PAQR5: variants seen among roughly 807,000 people sequenced by gnomAD.
The protein encoded by PAQR5 is membrane progestin receptor gamma.
PAQR5 carries 20 observed loss-of-function variants against 34.5 expected under a neutral mutation model. That is an observed-to-expected ratio of 0.58 (90% CI 0.41 to 0.84). PAQR5 has a LOEUF of 0.84. Among genes scored for constraint, PAQR5 ranks in the 40% least tolerant of loss-of-function variants. The pLI, the probability that PAQR5 is intolerant of heterozygous loss-of-function variation, is 0.00. For missense variants in PAQR5, 378 were observed against 412.7 expected (o/e 0.92, Z 0.73); for synonymous variants, 131 against 155.6 (o/e 0.84, Z 1.18).
chr15:69,303,405 A>G lies in PAQR5; in HGVS notation c.-277+4349A>G, dbSNP rs567013715. 3.9e-5 allele frequency among the ~76,000 whole-genome samples: 6 copies of G among 152,226 alleles called. No homozygotes were observed. In the East Asian group the frequency reaches 9.7e-4, roughly 25 times the overall value. On this transcript the variant is annotated intron_variant, in intron 1 of 8. Transcript: ENST00000395407. ...CAGCCGCCACATGAGGCGATTGGTG[A>G]GTTCCAGGAAGGAGTCATCCCCACC...
chr15:69,355,131 T>G (rs59332280), intron 2 of PAQR5, among the ~76,000 whole-genome samples: 12,625 of 152,060 alleles, frequency 0.083, 806 homozygotes, highest in African/African-American at 0.16. Context: ...CATTATCACA[T>G]GAGCCAATTC....
intron 6 of PAQR5, among the ~76,000 whole-genome samples, chr15:69,395,888 T>G (rs1376590807): frequency 6.6e-6 from 1 of 151,842 alleles, no homozygotes; most frequent in African/African-American, 2.4e-5. Context: ...AACACGAAAG[T>G]GGGCTGGAGT....
chr15:69,323,814 A>T (rs901219457), intron 1 of PAQR5, among the ~76,000 whole-genome samples: 5 of 152,196 alleles, frequency 3.3e-5, no homozygotes, highest in Non-Finnish European at 5.9e-5. Context: ...TCATAAATAC[A>T]AAGCAGTTAA....
At chr15:69,300,590 C>CCTTCTTTCT (rs2053516725) in intron 1 of PAQR5, among the ~76,000 whole-genome samples, 3 of 41,994 alleles carry the variant, frequency 7.1e-5, no homozygotes, top group South Asian at 9.2e-4. Context: ...TCTTTCTTTC[C>CCTTCTTTCT]TTCTTTCTTT....
intron 6 of PAQR5, among the ~76,000 whole-genome samples, chr15:69,396,680 G>T (rs2056444081): frequency 6.6e-6 from 1 of 151,854 alleles, no homozygotes; most frequent in East Asian, 1.9e-4. Context: ...GACCCTCCCT[G>T]CCCCTCCCCA....
chr15:69,355,929 C>G (rs1354643726), intron 2 of PAQR5, among the ~76,000 whole-genome samples: 1 of 152,180 alleles, frequency 6.6e-6, no homozygotes, highest in African/African-American at 2.4e-5. Context: ...GAATAATCAG[C>G]TATTCACTTA....
Position 69,404,959 on chromosome 15 carries a change from T to G in PAQR5, c.*1137T>G, listed in dbSNP as rs890690338. ...GGGCCAGAGGCCAAACTTGAAGAAC[T>G]GCTGGTGTTACATGTTCCAAAAGGC... On this transcript the variant is annotated 3_prime_UTR_variant, in exon 9 of 9. Coordinates refer to ENST00000395407, the MANE Select transcript of PAQR5 (RefSeq NM_017705.4). 1.3e-5 allele frequency: 5 copies of G among 398,530 alleles called. No homozygotes were observed. The highest frequency in any genetic ancestry group is 2.2e-5 in the Non-Finnish European group (5 of 226,060). 24.7% of individuals were successfully genotyped at this position (398,530 alleles called of 1,614,324 possible). A position where few individuals can be genotyped will look rare whatever the true frequency, so the allele number is the denominator to read the frequency against.
chr15:69,300,710 T>C lies in PAQR5; in HGVS notation c.-277+1654T>C, dbSNP rs1163219467. On this transcript the variant is annotated intron_variant, in intron 1 of 8. Coordinates refer to ENST00000395407, the MANE Select transcript of PAQR5 (RefSeq NM_017705.4). ...TCCCTCCCTCTCTCTCTCTCTTTCT[T>C]TCTTTCTTTCTTTCTTTCTTTCTTT... Among the ~76,000 whole-genome samples the C allele has an allele frequency of 0.032, 235 of 7,440 alleles. 73 individuals carry two copies. In the South Asian group the frequency reaches 0.69, roughly 22 times the overall value. The allele number at this position is 7,440 out of a possible 152,430, so 4.9% of individuals were successfully genotyped here. A position where few individuals can be genotyped will look rare whatever the true frequency, so the allele number is the denominator to read the frequency against.
At chr15:69,369,540 T>TAA (rs753281505) in intron 3 of PAQR5, among the ~76,000 whole-genome samples, 10 of 142,934 alleles carry the variant, frequency 7.0e-5, no homozygotes, top group African/African-American at 2.3e-4. Flanking sequence ...TGCCTCAAGT[T>TAA]AAAAAAAAAA....
chr15:69,393,624 C>T (rs1357270357), intron 6 of PAQR5, among the ~76,000 whole-genome samples: 1 of 152,170 alleles, frequency 6.6e-6, no homozygotes, highest in African/African-American at 2.4e-5. Flanking sequence ...CCCTCCTGCT[C>T]CATCCGGCTG....
At chr15:69,359,308 T>A (rs2055167913) in intron 2 of PAQR5, among the ~76,000 whole-genome samples, 1 of 152,148 alleles carries the variant, frequency 6.6e-6, no homozygotes, top group African/African-American at 2.4e-5. Flanking sequence ...GCCCATATTA[T>A]TGTCACAGGA....
chr15:69,375,352 C>T (rs755924961), intron 3 of PAQR5, among the ~76,000 whole-genome samples: 14 of 152,124 alleles, frequency 9.2e-5, no homozygotes, highest in Non-Finnish European at 1.9e-4. Context: ...GATTAGGACC[C>T]ACCCTAATGG....
chr15:69,397,864 C>T (rs2279857), intron 7 of PAQR5: 21,889 of 402,916 alleles, frequency 0.054, 1,412 homozygotes, highest in East Asian at 0.19. Context: ...TCCCCCACAC[C>T]CAGGTGCTGC....
intron 3 of PAQR5, among the ~76,000 whole-genome samples, chr15:69,368,341 C>T (rs2055458856): frequency 2.0e-5 from 3 of 152,356 alleles, no homozygotes; most frequent in Non-Finnish European, 4.4e-5. Context: ...GCATGAGCCA[C>T]TGTGCGTCTG....
chr15:69,345,662 A>T (rs772628741), intron 2 of PAQR5, among the ~76,000 whole-genome samples: 1 of 152,228 alleles, frequency 6.6e-6, no homozygotes, highest in Non-Finnish European at 1.5e-5. Context: ...TGGAGAGTGC[A>T]TTAAACACAC....
intron 2 of PAQR5, 96 bp from the exon 3 acceptor site, chr15:69,359,870 G>C: frequency 1.9e-6 from 1 of 537,074 alleles, no homozygotes; most frequent in East Asian, 3.1e-5. Context: ...ATCATGTGTA[G>C]CAAGTATATG....
chr15:69,374,268 G>C (rs1008093301), intron 3 of PAQR5, among the ~76,000 whole-genome samples: 1 of 152,170 alleles, frequency 6.6e-6, no homozygotes, highest in Admixed American at 6.5e-5. Context: ...TTTTAATTGA[G>C]AGCCTAAGTA....
At chr15:69,399,757 C>T (rs986770154) in intron 7 of PAQR5, among the ~76,000 whole-genome samples, 17 of 152,222 alleles carry the variant, frequency 1.1e-4, no homozygotes, top group Non-Finnish European at 2.4e-4. Flanking sequence ...CAATCGACCA[C>T]ACTCAGGATA....
intron 4 of PAQR5, among the ~76,000 whole-genome samples, chr15:69,382,380 C>T (rs1404802512): frequency 6.6e-6 from 1 of 151,984 alleles, no homozygotes; most frequent in South Asian, 2.1e-4. Flanking sequence ...GGCGCAGTGG[C>T]TTATGCCTAT....
Sources: gnomAD v4.1 joint callset for allele counts (sites outside exome capture counted in the v4.1 genomes callset) on GRCh38, gnomAD v4.1.1 for gene constraint, MANE v1.5 for transcripts, NCBI Gene and HGNC (gene_info 2026-07-23, HGNC 2026-07-21) for gene names.